Variants in LRP8 observed in about 807,000 individuals in gnomAD.
The protein encoded by LRP8 is LDL receptor related protein 8, also known as low-density lipoprotein receptor-related protein 8.
Under a neutral mutation model 111.6 loss-of-function variants are expected in LRP8, and 46 were observed. That is an observed-to-expected ratio of 0.41 (90% CI 0.33 to 0.53). LRP8 has a LOEUF of 0.53. Ranked by LOEUF, LRP8 falls within the 20% of genes least tolerant of loss-of-function variation. The pLI is 0.20. For missense variants in LRP8, 959 were observed against 1,297.4 expected, an observed-to-expected ratio of 0.74 and a Z score of 4.01; for synonymous variants, 464 against 511.2, an observed-to-expected ratio of 0.91 and a Z score of 1.24.
At chr1:53,290,269 A>G (rs1572565909) in intron 2 of LRP8, among the ~76,000 whole-genome samples, 1 of 150,726 alleles carries the variant, frequency 6.6e-6, no homozygotes, top group African/African-American at 2.5e-5. Context: ...TGACCTCCAC[A>G]CTGCTCTGGG....
At position 53,275,747 on chromosome 1, in the gene LRP8, C is replaced by T. The variant is rs149347479; in HGVS notation, c.890G>A (p.Gly297Asp). Residue 297 changes from glycine to aspartate, a missense_variant, in exon 6 of 19, where the codon GGC becomes GAC. Physicochemically the swap from Gly to Asp is moderately conservative, Grantham distance 94. Coordinates refer to ENST00000306052, the MANE Select transcript of LRP8 (RefSeq NM_004631.5). The surrounding 1 kb of genome is among the most constrained non-coding windows in gnomAD (Gnocchi z 4.4). Reference sequence around the variant, plus strand: ...CTGGAACTCGTCCCCACGGCAGGTGCCCAGTGCTGCCAGGAGAGGGCAAGG... The same window carrying T: ...CTGGAACTCGTCCCCACGGCAGGTGTCCAGTGCTGCCAGGAGAGGGCAAGG... ...DKSDEADCPL[G>D]TCRGDEFQCG... 24 of 1,613,788 alleles carry T rather than the reference C, an allele frequency of 1.5e-5. No individual in the cohort carries two copies. In the African/African-American group the frequency reaches 1.7e-4, roughly 12 times the overall value.
chr1:53,317,156 AG>A lies in LRP8; in HGVS notation c.244+9716del, dbSNP rs1653916095. Among the ~76,000 whole-genome samples the A allele has an allele frequency of 7.1e-6, 1 of 140,288 alleles. No individual in the cohort carries two copies. The highest frequency in any genetic ancestry group is 1.6e-5 in the Non-Finnish European group (1 of 63,894). 92.0% of individuals were successfully genotyped at this position (140,288 alleles called of 152,430 possible). On this transcript the variant is annotated intron_variant, in intron 2 of 18. Transcript: ENST00000306052. This position sits in a 1 kb window ranked among gnomAD's most constrained non-coding sequence, Gnocchi z 4.9. ...GCAGATGGCGGCTCAGGGTCCAGGA[AG>A]TGGGGGAGGGAGGGAGGGGAGGAGT...
intron 2 of LRP8, among the ~76,000 whole-genome samples, chr1:53,312,751 C>A (rs1653238375): frequency 6.6e-6 from 1 of 152,098 alleles, no homozygotes; most frequent in African/African-American, 2.4e-5. Flanking sequence ...AGAGCAGTGG[C>A]CAGGGCTTGG....
In LRP8 at chr1:53,256,527, C is replaced by A. The variant is rs554691355; in HGVS notation, c.2434+713G>T. On this transcript the variant is annotated intron_variant, in intron 15 of 18. Coordinates refer to ENST00000306052, the MANE Select transcript of LRP8 (RefSeq NM_004631.5). Reference sequence around the variant, plus strand: ...AGCCAGCTTCTGCTGGCAAATAGGACCAGTTAGGAAGATGTTGCCAAGCAG... The same window carrying A: ...AGCCAGCTTCTGCTGGCAAATAGGAACAGTTAGGAAGATGTTGCCAAGCAG... Among the ~76,000 whole-genome samples, 43 of 152,322 alleles carry A rather than the reference C, an allele frequency of 2.8e-4. 1 individual carries two copies. In the South Asian group the frequency reaches 4.8e-3, roughly 17 times the overall value.
intron 2 of LRP8, among the ~76,000 whole-genome samples, chr1:53,324,965 G>A (rs1204896987): frequency 6.6e-6 from 1 of 152,214 alleles, no homozygotes; most frequent in Non-Finnish European, 1.5e-5. Flanking sequence ...TCCTTATCTA[G>A]AAAGTAGAAT....
chr1:53,258,453 A>G lies in LRP8; in HGVS notation c.2075T>C (p.Leu692Pro). ...ACAGCCTCCATTAGGCTGGACACTC[A>G]GCTCACAGGCATCTGGAGCTAATGG... ...KQPRAPDACE[L>P]SVQPNGGCEY... The change falls in exon 14 of 19, where the codon CTG becomes CCG. Residue 692 changes from leucine to proline, a missense_variant. Transcript: ENST00000306052. 6.2e-7 allele frequency: 1 copy of G among 1,614,072 alleles called. No homozygotes were observed. Among genetic ancestry groups the G allele is most frequent in the Non-Finnish European group, 8.5e-7 (1 of 1,179,968 alleles).
chr1:53,327,423 G>C, intron 1 of LRP8: 2 of 264,234 alleles, frequency 7.6e-6, no homozygotes, highest in African/African-American at 2.2e-5. Context: ...GTCAAGCGGA[G>C]AAGCCGCCCG....
In LRP8 at chr1:53,249,409, G is replaced by A; in HGVS notation, c.2824C>T (p.Leu942Phe). ...SQLHQLPKNP[L>F]SELPVVKSKR... ...GATTTGACGACAGGCAGCTCGGAAA[G>A]AGGGTTCTTCGGGAGTTGGTGCAGC... The change falls in exon 18 of 19, where the codon CTT (leucine) becomes TTT (phenylalanine). Residue 942 changes from leucine (L) to phenylalanine (F), a missense_variant. By Grantham distance (22) the Leu-to-Phe change is conservative. Transcript: ENST00000306052. The surrounding 1 kb of genome is among the most constrained non-coding windows in gnomAD (Gnocchi z 4.1). 2 of 1,614,222 alleles carry A rather than the reference G, an allele frequency of 1.2e-6. No homozygotes were observed. The highest frequency in any genetic ancestry group is 1.7e-6 in the Non-Finnish European group (2 of 1,180,030).
Position 53,275,584 on chromosome 1 carries a change from T to C in LRP8, c.1006+47A>G, listed in dbSNP as rs1646891521. 13 of 1,607,292 alleles carry C rather than the reference T, an allele frequency of 8.1e-6. No homozygotes were observed. The highest frequency in any genetic ancestry group is 1.1e-5 in the Non-Finnish European group (13 of 1,175,244). On this transcript the variant is annotated intron_variant, in intron 6 of 18. Transcript: ENST00000306052. The surrounding 1 kb of genome is among the most constrained non-coding windows in gnomAD (Gnocchi z 4.4). ...TGCCCTCTGGAGAGTTACCAGAGCC[T>C]AGGGCATCCTCACAGAGGATGTGTT...
chr1:53,258,206 A>C (rs1646175778), intron 14 of LRP8, 113 bp downstream of exon 14: 1 of 1,100,116 alleles, frequency 9.1e-7, no homozygotes, highest in African/African-American at 1.6e-5. Context: ...ACAAGTAACC[A>C]GGGAAGATGG....
In LRP8 at chr1:53,326,857, C is replaced by T; in HGVS notation, c.244+16G>A. The T allele has an allele frequency of 6.2e-7, 1 of 1,610,994 alleles. No individual in the cohort carries two copies. On this transcript the variant is annotated intron_variant, in intron 2 of 18. Coordinates refer to ENST00000306052, the MANE Select transcript of LRP8 (RefSeq NM_004631.5). Reference sequence around the variant, plus strand: ...TTTTCTCTCCCCGGGTCTGAGCTCCCTGGCCCGCCACTCACGGCAGTCGTC... The same window carrying T: ...TTTTCTCTCCCCGGGTCTGAGCTCCTTGGCCCGCCACTCACGGCAGTCGTC...
intron 2 of LRP8, among the ~76,000 whole-genome samples, chr1:53,323,899 A>T (rs1052467959): frequency 6.6e-6 from 1 of 152,248 alleles, no homozygotes; most frequent in Non-Finnish European, 1.5e-5. Flanking sequence ...CTAGTTCAGC[A>T]GTCTCCTCCT....
chr1:53,320,761 T>C (rs1654405645), intron 2 of LRP8, among the ~76,000 whole-genome samples: 1 of 152,152 alleles, frequency 6.6e-6, no homozygotes, highest in Non-Finnish European at 1.5e-5. Flanking sequence ...CAGAAACTGG[T>C]AGCTCAGGGA....
At position 53,264,320 on chromosome 1, in the gene LRP8, G is replaced by A; in HGVS notation, c.1504C>T (p.Leu502=). ...TGCTTGTGGACCCAGTCCACTGCCA[G>A]GCCCTCTGGAGAGTGCAACTGCTCG... ...IDEQLHSPEG[L]AVDWVHKHIY... The change falls in exon 10 of 19, where the codon CTG becomes TTG. Residue 502 remains leucine, a synonymous_variant. Coordinates refer to ENST00000306052, the MANE Select transcript of LRP8 (RefSeq NM_004631.5). The A allele has an allele frequency of 6.2e-7, 1 of 1,614,154 alleles. No individual in the cohort carries two copies. The highest frequency in any genetic ancestry group is 1.1e-5 in the South Asian group (1 of 91,068).
chr1:53,324,261 G>A (rs1654866175), intron 2 of LRP8, among the ~76,000 whole-genome samples: 1 of 152,204 alleles, frequency 6.6e-6, no homozygotes, highest in African/African-American at 2.4e-5. Context: ...ACAGTTCAAA[G>A]AAATTCAGTC....
intron 4 of LRP8, 33 bp downstream of exon 4, chr1:53,280,554 T>G: frequency 6.2e-7 from 1 of 1,605,748 alleles, no homozygotes; most frequent in Non-Finnish European, 8.5e-7. Context: ...TGACCATGCT[T>G]GGCAGACCCT....
chr1:53,324,568 C>T (rs1047283036), intron 2 of LRP8, among the ~76,000 whole-genome samples: 2 of 152,160 alleles, frequency 1.3e-5, no homozygotes, highest in East Asian at 1.9e-4. Flanking sequence ...CTATCAGCAG[C>T]GCCGCCACCC....
intron 6 of LRP8, among the ~76,000 whole-genome samples, chr1:53,273,173 G>A (rs556615186): frequency 2.0e-5 from 3 of 152,160 alleles, no homozygotes; most frequent in African/African-American, 7.2e-5. Flanking sequence ...GTGTGATTCC[G>A]CTGGGGAGCC....
chr1:53,261,895 T>C (rs1572460724), intron 12 of LRP8, among the ~76,000 whole-genome samples, 173 bp downstream of exon 12: 1 of 152,042 alleles, frequency 6.6e-6, no homozygotes. Context: ...AGGTGGAGAG[T>C]GGGCTGCAGA....
Sources: allele counts gnomAD v4.1 joint callset (sites outside exome capture counted in the v4.1 genomes callset), GRCh38; gene constraint gnomAD v4.1.1; non-coding constraint Gnocchi (gnomAD v3.1); transcripts MANE v1.5; gene names NCBI Gene and HGNC (gene_info 2026-07-23, HGNC 2026-07-21).